The following PDGFD variants were observed in gnomAD, a reference collection of about 807,000 sequenced individuals.
The protein encoded by PDGFD is platelet derived growth factor D.
A neutral mutation model predicts 44.7 loss-of-function variants in PDGFD; 30 were observed. That is an observed-to-expected ratio of 0.67 (90% CI 0.50 to 0.91). The LOEUF (loss-of-function observed/expected upper bound fraction) is 0.91, where lower values mean the gene tolerates loss of function less well. Among genes scored for constraint, PDGFD ranks in the 40% least tolerant of loss-of-function variants. The pLI is 0.00. For missense variants in PDGFD, 445 were observed against 457.8 expected, an observed-to-expected ratio of 0.97 and a Z score of 0.25; for synonymous variants, 173 against 168.4, an observed-to-expected ratio of 1.03 and a Z score of -0.21.
intron 1 of PDGFD, among the ~76,000 whole-genome samples, chr11:104,072,916 T>G (rs1328390947): frequency 6.6e-6 from 1 of 152,020 alleles, no homozygotes; most frequent in African/African-American, 2.4e-5. Flanking sequence ...TCACTTGATA[T>G]TTTGCCCACA....
At chr11:104,086,859 TC>T (rs1432219316) in intron 1 of PDGFD, among the ~76,000 whole-genome samples, 1 of 152,124 alleles carries the variant, frequency 6.6e-6, no homozygotes, top group African/African-American at 2.4e-5. Flanking sequence ...CCAAATAATG[TC>T]CTTATTACAG....
At chr11:104,142,126 C>T (rs1862093954) in intron 1 of PDGFD, among the ~76,000 whole-genome samples, 1 of 152,064 alleles carries the variant, frequency 6.6e-6, no homozygotes, top group Non-Finnish European at 1.5e-5. Flanking sequence ...ACATACACAT[C>T]CTTATAATAC....
rs1565281114 is a variant in PDGFD, at chr11:103,909,657, GT to G, written c.*36del. On this transcript the variant is annotated 3_prime_UTR_variant, in exon 7 of 7. Transcript: ENST00000393158. Reference sequence around the variant, plus strand: ...TTATCTCACCCTCCTTAAACTAAAGGTTCTTTCAGGCTTAATGTAAGGATGT... The same window carrying G: ...TTATCTCACCCTCCTTAAACTAAAGGTCTTTCAGGCTTAATGTAAGGATGT... 6.2e-7 allele frequency: 1 copy of G among 1,611,952 alleles called. No homozygotes were observed. The highest frequency in any genetic ancestry group is 2.2e-5 in the East Asian group (1 of 44,834).
intron 1 of PDGFD, among the ~76,000 whole-genome samples, chr11:104,011,045 C>T (rs922709157): frequency 1.5e-4 from 23 of 151,954 alleles, no homozygotes; most frequent in African/African-American, 4.8e-4. Flanking sequence ...TTCTAGAGAA[C>T]ATTTGTTATA....
Position 104,137,708 on chromosome 11 carries a change from TATAGTGATATAGATCACCAC to T in PDGFD, c.124+26076_124+26095del, listed in dbSNP as rs1391479999. Reference sequence around the variant, plus strand: ...ACTTCCATTGTATCTAAAATTATTCTATAGTGATATAGATCACCACTTTTTTTTTTTTTTTTTTTTTTTTT... The same window carrying T: ...ACTTCCATTGTATCTAAAATTATTCTTTTTTTTTTTTTTTTTTTTTTTTTT... On this transcript the variant is annotated intron_variant, in intron 1 of 6. Coordinates refer to ENST00000393158, the MANE Select transcript of PDGFD (RefSeq NM_025208.5). Among the ~76,000 whole-genome samples the T allele has an allele frequency of 5.3e-5, 8 of 150,544 alleles. No individual in the cohort carries two copies. The East Asian group carries it at 1.6e-3, about 29-fold the overall frequency.
At chr11:104,133,808 G>A (rs182965800) in intron 1 of PDGFD, among the ~76,000 whole-genome samples, 123 of 152,190 alleles carry the variant, frequency 8.1e-4, no homozygotes, top group East Asian at 3.1e-3. Flanking sequence ...ACTGAGGCTC[G>A]AAGAGGCTCT....
intron 1 of PDGFD, among the ~76,000 whole-genome samples, chr11:104,002,147 G>A (rs1032702547): frequency 2.0e-5 from 3 of 152,134 alleles, no homozygotes; most frequent in Non-Finnish European, 4.4e-5. Flanking sequence ...ATTTCTGCTC[G>A]TTGAGTCTTT....
chr11:103,929,222 C>T (rs1187940665), intron 5 of PDGFD, among the ~76,000 whole-genome samples: 1 of 152,146 alleles, frequency 6.6e-6, no homozygotes, highest in Non-Finnish European at 1.5e-5. Flanking sequence ...GAATTGAAGC[C>T]TTTCCCCCTT....
intron 1 of PDGFD, among the ~76,000 whole-genome samples, chr11:104,010,832 G>T (rs1015895948): frequency 6.6e-6 from 1 of 152,012 alleles, no homozygotes; most frequent in African/African-American, 2.4e-5. Context: ...ATGTTGAATG[G>T]CATGGTAGAA....
chr11:104,084,372 A>T (rs1861090200), intron 1 of PDGFD, among the ~76,000 whole-genome samples: 2 of 152,178 alleles, frequency 1.3e-5, no homozygotes, highest in African/African-American at 2.4e-5. Context: ...GATGGGACAG[A>T]ATCAGCCTTA....
chr11:104,085,622 T>C (rs1861118428), intron 1 of PDGFD, among the ~76,000 whole-genome samples: 1 of 152,150 alleles, frequency 6.6e-6, no homozygotes, highest in Non-Finnish European at 1.5e-5. Flanking sequence ...ACCCATTGCA[T>C]GTTAATAGAA....
chr11:104,005,696 C>G (rs567784807), intron 1 of PDGFD, among the ~76,000 whole-genome samples: 1 of 152,226 alleles, frequency 6.6e-6, no homozygotes, highest in Non-Finnish European at 1.5e-5. Flanking sequence ...ATTATCCCCA[C>G]TTTACAAAGG....
chr11:104,063,646 G>A (rs565411509), intron 1 of PDGFD, among the ~76,000 whole-genome samples: 2 of 152,260 alleles, frequency 1.3e-5, no homozygotes, highest in African/African-American at 4.8e-5. Flanking sequence ...GAGGCCTCAG[G>A]AAACTTACAA....
intron 1 of PDGFD, among the ~76,000 whole-genome samples, chr11:104,057,774 T>C (rs2134411259): frequency 6.6e-6 from 1 of 152,288 alleles, no homozygotes; most frequent in Non-Finnish European, 1.5e-5. Flanking sequence ...CAAGACTTAT[T>C]ACAAAGCTAC....
At chr11:104,112,429 A>G (rs1861572630) in intron 1 of PDGFD, among the ~76,000 whole-genome samples, 1 of 151,944 alleles carries the variant, frequency 6.6e-6, no homozygotes, top group East Asian at 1.9e-4. Context: ...TGTTGGTGGG[A>G]GTGTAAATTA....
chr11:104,106,887 G>T (rs1442516612), intron 1 of PDGFD, among the ~76,000 whole-genome samples: 1 of 151,938 alleles, frequency 6.6e-6, no homozygotes, highest in Admixed American at 6.6e-5. Flanking sequence ...GGGACTACAG[G>T]TGTGTGCCAC....
At chr11:104,129,231 C>CT (rs1861882460) in intron 1 of PDGFD, among the ~76,000 whole-genome samples, 1 of 144,266 alleles carries the variant, frequency 6.9e-6, no homozygotes, top group Non-Finnish European at 1.5e-5. Context: ...TTTTTTTTTT[C>CT]TTTTTTCCTT....
At chr11:104,130,897 G>A (rs147003440) in intron 1 of PDGFD, among the ~76,000 whole-genome samples, 6 of 152,172 alleles carry the variant, frequency 3.9e-5, no homozygotes, top group Admixed American at 6.5e-5. Context: ...TCAATTATAA[G>A]ATGCACATTA....
At chr11:104,015,595 C>G (rs1859849374) in intron 1 of PDGFD, among the ~76,000 whole-genome samples, 1 of 152,042 alleles carries the variant, frequency 6.6e-6, no homozygotes, top group South Asian at 2.1e-4. Flanking sequence ...ACAGTACATT[C>G]AAAAGCATGA....
Sources: allele counts gnomAD v4.1 joint callset (sites outside exome capture counted in the v4.1 genomes callset), GRCh38; gene constraint gnomAD v4.1.1; transcripts MANE v1.5; gene names NCBI Gene and HGNC (gene_info 2026-07-23, HGNC 2026-07-21).